Variants in IGSF11 observed in about 807,000 individuals in gnomAD.
IGSF11 encodes immunoglobulin superfamily member 11, also known as CXADR like 1.
IGSF11 carries 22 observed loss-of-function variants against 41.0 expected under a neutral mutation model. The observed-to-expected ratio is 0.54, with a 90% CI of 0.38 to 0.77. IGSF11 has a LOEUF of 0.77. IGSF11 is among the 30% of genes least tolerant of loss of function. The pLI, the probability that IGSF11 is intolerant of heterozygous loss-of-function variation, is 0.00. For synonymous variants in IGSF11, 219 were observed against 201.3 expected (o/e 1.09, Z -0.74); for missense variants, 444 against 530.8 (o/e 0.84, Z 1.61).
chr3:119,000,737 T>A, intron 1 of IGSF11, among the ~76,000 whole-genome samples: 1 of 152,326 alleles, frequency 6.6e-6, no homozygotes, highest in East Asian at 1.9e-4. Context: ...GCATTAACAA[T>A]TGCATTGAAA....
chr3:119,034,273 G>C (rs1246160251), intron 1 of IGSF11, among the ~76,000 whole-genome samples: 1 of 152,214 alleles, frequency 6.6e-6, no homozygotes, highest in Non-Finnish European at 1.5e-5. Flanking sequence ...TGAGAGTCAG[G>C]GCCCGGCCTG....
At chr3:119,067,128 G>A (rs1942257323) in intron 1 of IGSF11, among the ~76,000 whole-genome samples, 1 of 152,024 alleles carries the variant, frequency 6.6e-6, no homozygotes, top group South Asian at 2.1e-4. Flanking sequence ...TAAGCTCCAT[G>A]TATTTAAAAA....
At chr3:118,935,377 CACACACACACACACACACAT>C (rs1559923848) in intron 1 of IGSF11, among the ~76,000 whole-genome samples, 3 of 106,642 alleles carry the variant, frequency 2.8e-5, no homozygotes, top group African/African-American at 8.7e-5. Context: ...GAGATATATA[CACACACACACACACACACAT>C]ACACACACAC....
rs546956400 is a variant in IGSF11, at chr3:118,997,415, G to C, written c.52+37116C>G. 2.0e-4 allele frequency among the ~76,000 whole-genome samples: 30 copies of C among 152,280 alleles called. No individual in the cohort carries two copies. The South Asian group carries it at 5.2e-3, about 26-fold the overall frequency. On this transcript the variant is annotated intron_variant, in intron 1 of 6. Coordinates refer to ENST00000393775, the MANE Select transcript of IGSF11 (RefSeq NM_001015887.3). ...CTAGGTCAGCATTTCAAGGACCACA[G>C]AAACCAGTGACCTAGCACTAGATTT...
upstream of IGSF11, among the ~76,000 whole-genome samples, chr3:119,108,011 T>A (rs2107514405): frequency 1.3e-5 from 2 of 151,632 alleles, 1 homozygote; most frequent in East Asian, 3.9e-4. Context: ...TAGTTTGAAG[T>A]CAGGTAGTGT....
intron 5 of IGSF11, among the ~76,000 whole-genome samples, chr3:118,905,344 C>A (rs1939455510): frequency 6.6e-6 from 1 of 152,070 alleles, no homozygotes; most frequent in African/African-American, 2.4e-5. Context: ...TAGCATTATA[C>A]AATAAGAAAC....
intron 2 of IGSF11, among the ~76,000 whole-genome samples, chr3:118,929,753 C>T (rs1288986731): frequency 1.3e-5 from 2 of 152,186 alleles, no homozygotes; most frequent in Non-Finnish European, 2.9e-5. Context: ...TCAAGTACTA[C>T]AACCTAATGT....
At chr3:118,995,738 C>T (rs1318158125) in intron 1 of IGSF11, among the ~76,000 whole-genome samples, 2 of 152,096 alleles carry the variant, frequency 1.3e-5, no homozygotes, top group Non-Finnish European at 1.5e-5. Flanking sequence ...CTGAAACCTC[C>T]ACCTCCTGGG....
intron 1 of IGSF11, among the ~76,000 whole-genome samples, chr3:119,136,016 G>A (rs1286013413): frequency 2.0e-5 from 3 of 152,172 alleles, no homozygotes; most frequent in Non-Finnish European, 4.4e-5. Flanking sequence ...TGAACAATGA[G>A]AACACTTGGA....
intron 1 of IGSF11, among the ~76,000 whole-genome samples, chr3:119,008,744 A>T (rs1937719916): frequency 6.6e-6 from 1 of 152,208 alleles, no homozygotes; most frequent in African/African-American, 2.4e-5. Context: ...TTGGTCAAAC[A>T]TTATTCTGGG....
upstream of IGSF11, among the ~76,000 whole-genome samples, chr3:119,039,254 A>G (rs535671284): frequency 6.6e-6 from 1 of 152,360 alleles, no homozygotes; most frequent in South Asian, 2.1e-4. Context: ...GTAGACTAAA[A>G]TCAAGGTGTG....
chr3:118,925,061 T>TA (rs1942170806), intron 4 of IGSF11, among the ~76,000 whole-genome samples: 1 of 152,176 alleles, frequency 6.6e-6, no homozygotes, highest in Non-Finnish European at 1.5e-5. Context: ...GAATCACTCT[T>TA]AAAGTAATAA....
intron 1 of IGSF11, among the ~76,000 whole-genome samples, chr3:119,115,367 C>G (rs935583910): frequency 5.3e-5 from 8 of 152,210 alleles, no homozygotes; most frequent in Non-Finnish European, 1.2e-4. Flanking sequence ...GTCCCACCAA[C>G]AGGGTACAAG....
At chr3:118,981,235 T>A (rs953059913) in intron 1 of IGSF11, among the ~76,000 whole-genome samples, 2 of 152,214 alleles carry the variant, frequency 1.3e-5, no homozygotes, top group Admixed American at 6.5e-5. Flanking sequence ...AGTGGCGTGA[T>A]CTCAGTTCAC....
chr3:118,936,752 C>G (rs570882250), intron 1 of IGSF11, among the ~76,000 whole-genome samples: 9 of 152,252 alleles, frequency 5.9e-5, no homozygotes, highest in African/African-American at 2.2e-4. Context: ...TCTTTAGACT[C>G]CTGTTTCCCA....
intron 3 of IGSF11, among the ~76,000 whole-genome samples, chr3:118,926,543 C>T (rs1942329492): frequency 6.6e-6 from 1 of 152,186 alleles, no homozygotes; most frequent in Non-Finnish European, 1.5e-5. Flanking sequence ...TTTCACTCTG[C>T]TTCCTCTAAA....
chr3:119,126,719 G>C (rs921575771), intron 1 of IGSF11, among the ~76,000 whole-genome samples: 2 of 152,116 alleles, frequency 1.3e-5, no homozygotes, highest in Non-Finnish European at 2.9e-5. Flanking sequence ...CTCCAGGCAC[G>C]GGAGCAAATC....
chr3:118,944,247 G>A (rs960945653), intron 1 of IGSF11, among the ~76,000 whole-genome samples: 1 of 152,178 alleles, frequency 6.6e-6, no homozygotes, highest in Non-Finnish European at 1.5e-5. Flanking sequence ...TAGGAATAGA[G>A]ATAGAGGTAA....
At chr3:118,936,764 G>C in intron 1 of IGSF11, among the ~76,000 whole-genome samples, 1 of 152,258 alleles carries the variant, frequency 6.6e-6, no homozygotes, top group African/African-American at 2.4e-5. Flanking sequence ...TGTTTCCCAA[G>C]ATTTAAAGCA....
Sources: allele counts gnomAD v4.1 joint callset (sites outside exome capture counted in the v4.1 genomes callset), GRCh38; gene constraint gnomAD v4.1.1; transcripts MANE v1.5; gene names NCBI Gene and HGNC (gene_info 2026-07-23, HGNC 2026-07-21).